Variants in NFIA observed in about 807,000 individuals in gnomAD.
NFIA encodes nuclear factor I A.
NFIA carries 8 observed loss-of-function variants against 62.8 expected under a neutral mutation model. The ratio of observed to expected loss-of-function variants is 0.13; its 90% CI spans 0.07 to 0.23. The LOEUF is 0.23. Ranked by LOEUF, NFIA falls within the 10% of genes least tolerant of loss-of-function variation. NFIA has a pLI of 1.00. For synonymous variants in NFIA, 235 were observed against 238.1 expected (o/e 0.99, Z 0.12); for missense variants, 410 against 642.1 (o/e 0.64, Z 3.91).
intron 2 of NFIA, among the ~76,000 whole-genome samples, chr1:61,215,712 T>C (rs1196560274): frequency 6.6e-6 from 1 of 152,244 alleles, no homozygotes; most frequent in Non-Finnish European, 1.5e-5. Flanking sequence ...GACCTCTGTT[T>C]TATATTTCCT....
At chr1:61,402,444 T>A (rs186889047) in intron 7 of NFIA, among the ~76,000 whole-genome samples, 194 of 152,338 alleles carry the variant, frequency 1.3e-3, no homozygotes, top group Non-Finnish European at 2.4e-3. Flanking sequence ...ATTATCTTAT[T>A]AACCTCTGTT....
intron 7 of NFIA, among the ~76,000 whole-genome samples, chr1:61,396,403 C>G (rs761517868): frequency 2.3e-4 from 35 of 152,058 alleles, no homozygotes; most frequent in Non-Finnish European, 4.7e-4. Flanking sequence ...TGCCACCACA[C>G]CTGGCTACAT....
intron 2 of NFIA, among the ~76,000 whole-genome samples, chr1:61,161,135 G>A (rs1187994756): frequency 6.6e-6 from 1 of 152,128 alleles, no homozygotes; most frequent in Non-Finnish European, 1.5e-5. Flanking sequence ...GGCTGGTCTC[G>A]AACTCCTGAC....
At chr1:61,147,933 T>G (rs1648126503) in intron 2 of NFIA, among the ~76,000 whole-genome samples, 1 of 152,192 alleles carries the variant, frequency 6.6e-6, no homozygotes, top group Admixed American at 6.5e-5. Context: ...GGGGGTTGGC[T>G]AATGTTCTTT....
intron 4 of NFIA, among the ~76,000 whole-genome samples, chr1:61,336,310 T>A (rs1469300203): frequency 1.3e-5 from 2 of 152,124 alleles, no homozygotes; most frequent in African/African-American, 4.8e-5. Context: ...ACTTAATTAA[T>A]TTTTTTTCCT....
chr1:61,333,352 C>G (rs1661412147), intron 4 of NFIA, among the ~76,000 whole-genome samples: 1 of 152,144 alleles, frequency 6.6e-6, no homozygotes, highest in South Asian at 2.1e-4. Context: ...GTTCATACCC[C>G]CCATTCACTG....
chr1:61,279,812 T>A (rs1491002682), intron 3 of NFIA, among the ~76,000 whole-genome samples: 1 of 152,174 alleles, frequency 6.6e-6, no homozygotes, highest in Non-Finnish European at 1.5e-5. Context: ...ATATTGTGTG[T>A]TTCCCATTCC....
intron 2 of NFIA, among the ~76,000 whole-genome samples, chr1:61,262,419 A>G (rs1200815301): frequency 1.3e-5 from 2 of 152,194 alleles, no homozygotes; most frequent in African/African-American, 4.8e-5. Flanking sequence ...AGTCCTTATA[A>G]ATATGTTTGT....
chr1:61,163,282 G>A (rs1053521513), intron 2 of NFIA, among the ~76,000 whole-genome samples: 1 of 152,146 alleles, frequency 6.6e-6, no homozygotes, highest in Non-Finnish European at 1.5e-5. Flanking sequence ...TTTTCTTTGT[G>A]AAGCAATATA....
chr1:61,137,185 A>T (rs1208265703), intron 2 of NFIA, among the ~76,000 whole-genome samples: 1 of 152,234 alleles, frequency 6.6e-6, no homozygotes, highest in Non-Finnish European at 1.5e-5. Context: ...AATTATTTGA[A>T]GCCCACAGTA....
chr1:61,155,395 C>T (rs1023852837), intron 2 of NFIA, among the ~76,000 whole-genome samples: 5 of 151,984 alleles, frequency 3.3e-5, no homozygotes, highest in African/African-American at 4.8e-5. Flanking sequence ...TAGAGTTGGC[C>T]GGGCGCGGTG....
intron 2 of NFIA, among the ~76,000 whole-genome samples, chr1:61,254,914 G>A (rs536551797): frequency 6.6e-6 from 1 of 152,278 alleles, no homozygotes; most frequent in East Asian, 1.9e-4. Flanking sequence ...GTGTAAGGGG[G>A]GCTTATTATG....
intron 2 of NFIA, among the ~76,000 whole-genome samples, chr1:61,164,445 ATG>A (rs971670108): frequency 3.3e-5 from 5 of 151,480 alleles, no homozygotes; most frequent in African/African-American, 1.2e-4. Flanking sequence ...TTTTGTTGTT[ATG>A]TGTTTTTTTT....
At chr1:61,155,308 T>C (rs1423883187) in intron 2 of NFIA, among the ~76,000 whole-genome samples, 1 of 152,230 alleles carries the variant, frequency 6.6e-6, no homozygotes, top group Non-Finnish European at 1.5e-5. Context: ...GGAAATTGTA[T>C]GTTCTAGCAA....
At chr1:61,121,471 G>A (rs1023250856) in intron 2 of NFIA, among the ~76,000 whole-genome samples, 2 of 152,062 alleles carry the variant, frequency 1.3e-5, no homozygotes, top group Non-Finnish European at 2.9e-5. Context: ...TAAAAAAACT[G>A]CCTTGCATTT....
chr1:61,135,974 G>A lies in NFIA; in HGVS notation c.559+47294G>A, dbSNP rs975710687. Among the ~76,000 whole-genome samples, 3 of 152,048 alleles carry A rather than the reference G, an allele frequency of 2.0e-5. No individual in the cohort carries two copies. In the South Asian group the frequency reaches 6.2e-4, roughly 32 times the overall value. On this transcript the variant is annotated intron_variant, in intron 2 of 10. Coordinates refer to ENST00000403491, the MANE Select transcript of NFIA (RefSeq NM_001134673.4). ...CTATTGAAAAAAATCAGAACCCTCCGCTTACGCTCGCATACATGTAGCTTA... is the reference window on the plus strand; with the variant it reads ...CTATTGAAAAAAATCAGAACCCTCCACTTACGCTCGCATACATGTAGCTTA...
intron 10 of NFIA, 36 bp downstream of exon 10, chr1:61,426,592 CT>C: frequency 6.8e-7 from 1 of 1,461,508 alleles, no homozygotes; most frequent in Non-Finnish European, 9.4e-7. Context: ...TGTGGTGCAG[CT>C]TGTATTATTC....
chr1:61,123,542 A>T (rs1020444434), intron 2 of NFIA, among the ~76,000 whole-genome samples: 1 of 152,206 alleles, frequency 6.6e-6, no homozygotes. Flanking sequence ...GTGAAATGAC[A>T]TAAGTCTGTA....
chr1:61,141,329 G>A (rs1647514961), intron 2 of NFIA, among the ~76,000 whole-genome samples: 1 of 152,022 alleles, frequency 6.6e-6, no homozygotes, highest in South Asian at 2.1e-4. Context: ...TGCTCATCTT[G>A]TTTCAAAACA....
Sources: gnomAD v4.1 joint callset for allele counts (sites outside exome capture counted in the v4.1 genomes callset) on GRCh38, gnomAD v4.1.1 for gene constraint, MANE v1.5 for transcripts, NCBI Gene and HGNC (gene_info 2026-07-23, HGNC 2026-07-21) for gene names.